Variants in MYOM2 observed in about 807,000 individuals in gnomAD.
MYOM2 encodes myomesin-2.
In MYOM2, 254 loss-of-function variants were observed where a neutral mutation model predicts 187.6. The observed-to-expected ratio is 1.35, with a 90% CI of 1.22 to 1.50. MYOM2 has a LOEUF of 1.50. MYOM2 is among the 40% of genes most tolerant of loss of function. The pLI is 0.00. For synonymous variants in MYOM2, 981 were observed against 753.8 expected (o/e 1.30, Z -4.94); for missense variants, 2,796 against 1,924.0 (o/e 1.45, Z -8.48).
chr8:2,120,680 T>TATATATATATAATATATATATAA, intron 28 of MYOM2, among the ~76,000 whole-genome samples: 2 of 48,286 alleles, frequency 4.1e-5, no homozygotes, highest in Non-Finnish European at 8.2e-5. Flanking sequence ...ATATATTATA[T>TATATATATATAATATATATATAA]TATATATAAA....
chr8:2,123,746 C>A, intron 30 of MYOM2, 104 bp downstream of exon 30: 1 of 957,556 alleles, frequency 1.0e-6, no homozygotes, highest in East Asian at 2.5e-5. Flanking sequence ...CTATAGCACA[C>A]ATTGTGTCTT....
chr8:2,101,447 G>C (rs1182489542), intron 20 of MYOM2, among the ~76,000 whole-genome samples: 1 of 152,234 alleles, frequency 6.6e-6, no homozygotes, highest in Non-Finnish European at 1.5e-5. Context: ...TGAAAGTGCT[G>C]TTGATCTCTG....
rs1035643757 is a variant in MYOM2 at position 2,076,575 on chromosome 8, C to T, written c.1262+293C>T. Reference sequence around the variant, plus strand: ...AACGTCTTCAGGCTCACTCTGAGCCCCGCGCTGTGGTTCTGCTGAGGTCCG... The same window carrying T: ...AACGTCTTCAGGCTCACTCTGAGCCTCGCGCTGTGGTTCTGCTGAGGTCCG... On this transcript the variant is annotated intron_variant, in intron 11 of 36. Transcript: ENST00000262113. 3 of 363,614 alleles carry T rather than the reference C, an allele frequency of 8.3e-6. No homozygotes were observed. In the Admixed American group the frequency reaches 1.3e-4, roughly 16 times the overall value. The allele number at this position is 363,614 out of a possible 1,614,324, so 22.5% of individuals were successfully genotyped here.
intron 32 of MYOM2, among the ~76,000 whole-genome samples, chr8:2,129,627 A>G (rs1316029865): frequency 1.3e-5 from 2 of 152,178 alleles, no homozygotes; most frequent in Non-Finnish European, 2.9e-5. Flanking sequence ...AAGTACCAAA[A>G]CAAGCCCAAT....
At chr8:2,119,854 C>G (rs918557417) in intron 28 of MYOM2, among the ~76,000 whole-genome samples, 3 of 151,946 alleles carry the variant, frequency 2.0e-5, no homozygotes, top group African/African-American at 7.3e-5. Flanking sequence ...GCCCCCAGGG[C>G]AGCTCCCTGT....
At chr8:2,074,410 C>T (rs535359904) in intron 10 of MYOM2, among the ~76,000 whole-genome samples, 1 of 152,210 alleles carries the variant, frequency 6.6e-6, no homozygotes, top group African/African-American at 2.4e-5. Flanking sequence ...TTTTTGGCAT[C>T]ATGTGACTGA....
chr8:2,105,848 C>T (rs1033482378), intron 21 of MYOM2, among the ~76,000 whole-genome samples: 1 of 152,152 alleles, frequency 6.6e-6, no homozygotes, highest in African/African-American at 2.4e-5. Context: ...CGTTCTCACG[C>T]TGGTATGAAG....
chr8:2,086,816 A>T (rs1365271950), intron 14 of MYOM2, among the ~76,000 whole-genome samples: 1 of 152,040 alleles, frequency 6.6e-6, no homozygotes, highest in African/African-American at 2.4e-5. Flanking sequence ...CATGCTGGGG[A>T]TTCCAGATTC....
At chr8:2,054,652 G>A (rs1323127090) in intron 3 of MYOM2, among the ~76,000 whole-genome samples, 5 of 152,140 alleles carry the variant, frequency 3.3e-5, no homozygotes, top group Non-Finnish European at 5.9e-5. Context: ...TGAGGCTCTT[G>A]TTACTCAAAC....
In MYOM2 at chr8:2,069,437, T is replaced by C. The variant is rs1819139043; in HGVS notation, c.743-10T>C. On this transcript the variant is annotated splice_polypyrimidine_tract_variant and intron_variant, in intron 7 of 36. Coordinates refer to ENST00000262113, the MANE Select transcript of MYOM2 (RefSeq NM_003970.4). Reference sequence around the variant, plus strand: ...CTCTTTTCTGCTGCACTCACTTTGCTGTCTTGCAGGGTTCCGGGGAGACGA... The same window carrying C: ...CTCTTTTCTGCTGCACTCACTTTGCCGTCTTGCAGGGTTCCGGGGAGACGA... 6.2e-7 allele frequency: 1 copy of C among 1,614,100 alleles called. No individual in the cohort carries two copies. Among genetic ancestry groups the C allele is most frequent in the African/African-American group, 1.3e-5 (1 of 74,948 alleles).
At chr8:2,085,130 T>A in intron 13 of MYOM2, 133 bp from the exon 14 acceptor site, 2 of 1,070,926 alleles carry the variant, frequency 1.9e-6, no homozygotes, top group South Asian at 1.6e-5. Context: ...ATCTTTGGGG[T>A]TTGTTTGACT....
intron 21 of MYOM2, among the ~76,000 whole-genome samples, chr8:2,105,471 A>G (rs1268032429): frequency 6.6e-6 from 1 of 152,142 alleles, no homozygotes; most frequent in Non-Finnish European, 1.5e-5. Context: ...CCTACTCCCA[A>G]ACAAGACAAG....
At chr8:2,059,267 T>G (rs1464963628) in intron 6 of MYOM2, 22 bp downstream of exon 6, 1 of 1,607,616 alleles carries the variant, frequency 6.2e-7, no homozygotes, top group Non-Finnish European at 8.5e-7. Flanking sequence ...GTGGGGGCTC[T>G]GGACGCTGGC....
chr8:2,073,385 A>G lies in MYOM2; in HGVS notation c.1005A>G (p.Glu335=), dbSNP rs1373514413. The part of the protein sequence containing the change: ...ESKWTKMFFG[E]GQASLSFSHL... Reference sequence around the variant, plus strand: ...AGTGGACGAAGATGTTCTTTGGAGAAGGCCAGGCCTCCCTGTCCTTCAGCC... The same window carrying G: ...AGTGGACGAAGATGTTCTTTGGAGAGGGCCAGGCCTCCCTGTCCTTCAGCC... Residue 335 remains glutamate, a synonymous_variant, in exon 10 of 37, where the codon GAA becomes GAG. Coordinates refer to ENST00000262113, the MANE Select transcript of MYOM2 (RefSeq NM_003970.4). 1 of 1,613,156 alleles carries G rather than the reference A, an allele frequency of 6.2e-7. No homozygotes were observed. Among genetic ancestry groups the G allele is most frequent in the Non-Finnish European group, 8.5e-7 (1 of 1,179,566 alleles).
chr8:2,122,125 A>T (rs1480487244), intron 28 of MYOM2, among the ~76,000 whole-genome samples: 1 of 152,252 alleles, frequency 6.6e-6, no homozygotes, highest in Non-Finnish European at 1.5e-5. Context: ...AACAGTATTG[A>T]CTTAAGAGAC....
At position 2,072,414 on chromosome 8, in the gene MYOM2, T is replaced by G. The variant is rs776623159; in HGVS notation, c.863T>G (p.Phe288Cys). Residue 288 changes from phenylalanine to cysteine, a missense_variant, in exon 9 of 37, where the codon TTC becomes TGC. By Grantham distance (205) the Phe-to-Cys change is radical. Transcript: ENST00000262113. The part of the protein sequence containing the change: ...VQFLEKFGVT[F>C]RREGETVTLK... ...TTTTTGGAGAAGTTTGGGGTCACCT[T>G]CAGGAGGGAAGGCGAGACGGTCACT... 1.9e-6 allele frequency: 3 copies of G among 1,613,986 alleles called. No homozygotes were observed. The African/African-American group carries it at 4.0e-5, about 22-fold the overall frequency.
In MYOM2 at chr8:2,069,573, C is replaced by G. The variant is rs1819144450; in HGVS notation, c.793+76C>G. 2.6e-6 allele frequency: 4 copies of G among 1,555,942 alleles called. No homozygotes were observed. In the African/African-American group the frequency reaches 4.1e-5, roughly 16 times the overall value. On this transcript the variant is annotated intron_variant, in intron 8 of 36. Transcript: ENST00000262113. ...GCAGACAATTTGAAAACATGGTTTC[C>G]TAAGGGCCAAATCTTTTTTTTTTTT... is the stretch of plus-strand genomic sequence containing the variant.
At chr8:2,086,196 C>T (rs1216761121) in intron 14 of MYOM2, among the ~76,000 whole-genome samples, 1 of 33,966 alleles carries the variant, frequency 2.9e-5, no homozygotes, top group Non-Finnish European at 5.9e-5. Flanking sequence ...GTCATGATCT[C>T]TGCGTGGCCC....
At chr8:2,082,973 A>G (rs1397866258) in intron 13 of MYOM2, among the ~76,000 whole-genome samples, 2 of 152,180 alleles carry the variant, frequency 1.3e-5, no homozygotes, top group East Asian at 3.9e-4. Flanking sequence ...ACCCCAGTTC[A>G]GCCACCCAGT....
Sources: gnomAD v4.1 joint callset for allele counts (sites outside exome capture counted in the v4.1 genomes callset) on GRCh38, gnomAD v4.1.1 for gene constraint, MANE v1.5 for transcripts, NCBI Gene and HGNC (gene_info 2026-07-23, HGNC 2026-07-21) for gene names.